PHF8: variants seen among roughly 807,000 people sequenced by gnomAD.
The protein encoded by PHF8 is PHD finger protein 8.
In PHF8, 9 loss-of-function variants were observed where a neutral mutation model predicts 74.4. That is an observed-to-expected ratio of 0.12 (90% CI 0.07 to 0.21). The LOEUF (loss-of-function observed/expected upper bound fraction) is 0.21, where lower values mean the gene tolerates loss of function less well. PHF8 is among the 10% of genes least tolerant of loss of function. The pLI, the probability that PHF8 is intolerant of heterozygous loss-of-function variation, is 1.00. For synonymous variants in PHF8, 311 were observed against 316.6 expected (o/e 0.98, Z 0.19); for missense variants, 478 against 816.6 (o/e 0.59, Z 5.05).
chrX:54,014,262 A>T, intron 7 of PHF8, 115 bp downstream of exon 7: 1 of 622,903 alleles, frequency 1.6e-6, no homozygotes, highest in Non-Finnish European at 2.6e-6. Context: ...GCCAAATCAA[A>T]TTTTTTTTAT....
At chrX:54,039,170 T>C (rs1455062489) in intron 2 of PHF8, among the ~76,000 whole-genome samples, 2 of 108,306 alleles carry the variant, frequency 1.8e-5, no homozygotes, top group African/African-American at 6.7e-5. Context: ...ACTAGAGATA[T>C]GAACAGATTT....
chrX:54,035,538 T>A (rs1221528787), intron 2 of PHF8, among the ~76,000 whole-genome samples: 1 of 110,281 alleles, frequency 9.1e-6, no homozygotes, highest in African/African-American at 3.3e-5. Flanking sequence ...TCCCAGCACT[T>A]TGGGAGGCTG....
At chrX:54,010,829 G>A (rs1603336348) in intron 8 of PHF8, among the ~76,000 whole-genome samples, 1 of 110,972 alleles carries the variant, frequency 9.0e-6, no homozygotes, top group East Asian at 2.8e-4. Context: ...AGCCTCCCAG[G>A]CACTATCCCT....
At chrX:54,012,447 A>T (rs1009661890) in intron 7 of PHF8, among the ~76,000 whole-genome samples, 3 of 112,006 alleles carry the variant, frequency 2.7e-5, no homozygotes, top group Middle Eastern at 4.6e-3. Context: ...AGGACTTGTG[A>T]TCACTTGGAC....
Position 53,985,039 on chromosome X carries a change from C to T in PHF8, c.2318G>A (p.Arg773His), listed in dbSNP as rs371107125. Residue 773 changes from arginine (R) to histidine (H), a missense_variant, in exon 18 of 22, where the codon CGC (arginine) becomes CAC (histidine). By Grantham distance (29) the Arg-to-His change is conservative. Transcript: ENST00000338154. ...CTTGATGGGCCGCTTCCCTGGGGTG[C>T]GCTGGGAAGCAGGACTGTTAGACAC... ...GTVSNSPASQ[R>H]TPGKRPIKRP... The T allele has an allele frequency of 1.2e-5, 14 of 1,209,189 alleles. No homozygotes were observed. Among genetic ancestry groups the T allele is most frequent in the East Asian group, 3.0e-5 (1 of 33,756 alleles).
intron 2 of PHF8, among the ~76,000 whole-genome samples, chrX:54,041,388 T>TAAAAAAAAAAAAAAAAAAAAA (rs370388675): frequency 2.3e-5 from 1 of 43,519 alleles, no homozygotes; most frequent in African/African-American, 8.4e-5. Context: ...TTGTCTCAAA[T>TAAAAAAAAAAAAAAAAAAAAA]AAAAAAAAAA....
At chrX:53,948,389 C>T (rs1376294300) in intron 19 of PHF8, among the ~76,000 whole-genome samples, 2 of 111,397 alleles carry the variant, frequency 1.8e-5, no homozygotes, top group Non-Finnish European at 3.8e-5. Context: ...TCTTCTTTCT[C>T]AGCCTCCCAA....
intron 9 of PHF8, 140 bp from the exon 10 acceptor site, chrX:54,002,401 T>A: frequency 1.8e-6 from 1 of 554,018 alleles, no homozygotes; most frequent in Non-Finnish European, 3.2e-6. Context: ...ATTAGGAAAC[T>A]TGGGTTCAAA....
chrX:53,985,808 G>C lies in PHF8; in HGVS notation c.2129+8C>G, dbSNP rs781797897. ...GCCTGGAAAGGGGAGATAAAAGCCAGTACTCACGTGAGGGCAGCATAGTCA... is the reference window on the plus strand; with the variant it reads ...GCCTGGAAAGGGGAGATAAAAGCCACTACTCACGTGAGGGCAGCATAGTCA... On this transcript the variant is annotated splice_region_variant and intron_variant, in intron 17 of 21. Transcript: ENST00000338154. The C allele has an allele frequency of 1.7e-5, 21 of 1,209,936 alleles. No individual in the cohort carries two copies. The African/African-American group carries it at 3.3e-4, about 19-fold the overall frequency.
chrX:54,016,472 C>T (rs1193698717), intron 6 of PHF8, 123 bp downstream of exon 6: 26 of 592,279 alleles, frequency 4.4e-5, no homozygotes, highest in Non-Finnish European at 6.8e-5. Context: ...CCAGCCTGGG[C>T]GACAGAGCAA....
Position 53,938,720 on chromosome X carries a change from G to A in PHF8, c.*438C>T, listed in dbSNP as rs2064703653. 2.6e-6 allele frequency: 2 copies of A among 760,323 alleles called. No individual in the cohort carries two copies. The highest frequency in any genetic ancestry group is 3.1e-6 in the Non-Finnish European group (2 of 644,544). 62.7% of individuals were successfully genotyped at this position (760,323 alleles called of 1,213,427 possible). The stretch of plus-strand genomic sequence containing the variant: ...GGGAAATGGGGCAAACAGAATGGGT[G>A]GAGGTGGGCAGGCTTCTGGATATAG... On this transcript the variant is annotated 3_prime_UTR_variant, in exon 22 of 22. Transcript: ENST00000338154.
rs11329889 is a variant in PHF8 at position 53,957,190 on chromosome X, C to CAA, written c.2539+5652_2539+5653dup. Among the ~76,000 whole-genome samples the CAA allele has an allele frequency of 1.3e-4, 11 of 81,564 alleles. No homozygotes were observed. In the South Asian group the frequency reaches 2.9e-3, roughly 21 times the overall value. The allele number at this position is 81,564 out of a possible 115,157, so 70.8% of individuals were successfully genotyped here. On this transcript the variant is annotated intron_variant, in intron 19 of 21. Transcript: ENST00000338154. ...TGAAATGCCGTCTCTACTAAAAATA[C>CAA]AAAAAAAAAAAAAAAATTAGCTGGG... is the stretch of plus-strand genomic sequence containing the variant.
At chrX:53,984,828 C>T in intron 18 of PHF8, 86 bp downstream of exon 18, 1 of 753,193 alleles carries the variant, frequency 1.3e-6, no homozygotes, top group Non-Finnish European at 2.1e-6. Flanking sequence ...TTGTTCACTA[C>T]AAGCTGTCCT....
At chrX:54,032,986 A>G (rs1447930739) in intron 2 of PHF8, among the ~76,000 whole-genome samples, 4 of 111,088 alleles carry the variant, frequency 3.6e-5, no homozygotes, top group African/African-American at 1.3e-4. Context: ...CAATATATAC[A>G]AAACAAACAT....
chrX:53,942,761 A>G, intron 20 of PHF8: 1 of 752,945 alleles, frequency 1.3e-6, no homozygotes, highest in Non-Finnish European at 1.6e-6. Context: ...GGGATCTGAT[A>G]GGGTATGATT....
At chrX:54,000,957 C>T (rs2149849892) in intron 10 of PHF8, among the ~76,000 whole-genome samples, 1 of 112,922 alleles carries the variant, frequency 8.9e-6, no homozygotes, top group East Asian at 2.8e-4. Flanking sequence ...CATGCCTTGC[C>T]ATGTATTATG....
At chrX:53,941,457 T>C (rs781888037) in intron 20 of PHF8, among the ~76,000 whole-genome samples, 1 of 111,983 alleles carries the variant, frequency 8.9e-6, no homozygotes, top group East Asian at 2.8e-4. Context: ...TCCCAATACC[T>C]TGTATTTCAA....
chrX:53,963,542 AAAAC>A (rs2065134184), intron 18 of PHF8, among the ~76,000 whole-genome samples: 1 of 112,401 alleles, frequency 8.9e-6, no homozygotes, highest in East Asian at 2.8e-4. Context: ...TGGGCTGAAA[AAAAC>A]AAACAATCCC....
intron 4 of PHF8, among the ~76,000 whole-genome samples, chrX:54,019,678 C>T (rs2066132744): frequency 9.5e-6 from 1 of 105,306 alleles, no homozygotes; most frequent in Non-Finnish European, 1.9e-5. Context: ...GTAATCCCAG[C>T]TACTTGGGAG....
Sources: gnomAD v4.1 joint callset for allele counts (sites outside exome capture counted in the v4.1 genomes callset) on GRCh38, gnomAD v4.1.1 for gene constraint, MANE v1.5 for transcripts, NCBI Gene and HGNC (gene_info 2026-07-23, HGNC 2026-07-21) for gene names.